Variants in TGFBR3 observed in about 807,000 individuals in gnomAD.
The protein encoded by TGFBR3 is transforming growth factor beta receptor 3.
A neutral mutation model predicts 87.9 loss-of-function variants in TGFBR3; 46 were observed. The ratio of observed to expected loss-of-function variants is 0.52; its 90% confidence interval spans 0.41 to 0.67. TGFBR3 has a LOEUF of 0.67. TGFBR3 is among the 30% of genes least tolerant of loss of function. The probability of loss-of-function intolerance (pLI) is 0.00; values close to 1 mark genes in which losing one functional copy is unlikely to be tolerated. For missense variants in TGFBR3, 866 were observed against 1,041.9 expected (o/e 0.83, Z 2.32); for synonymous variants, 381 against 391.6 (o/e 0.97, Z 0.32).
chr1:91,829,169 A>G (rs1183461265), intron 2 of TGFBR3, among the ~76,000 whole-genome samples: 1 of 152,068 alleles, frequency 6.6e-6, no homozygotes, highest in Admixed American at 6.6e-5. Context: ...TGAGGTCAGG[A>G]GTTCAAGACC....
intron 2 of TGFBR3, among the ~76,000 whole-genome samples, chr1:91,833,641 G>A (rs141591268): frequency 0.01 from 1,549 of 151,158 alleles, 34 homozygotes; most frequent in African/African-American, 0.034. Flanking sequence ...GGCTGGGTGC[G>A]GTGGCACACA....
chr1:91,683,776 G>A lies in TGFBR3; in HGVS notation c.2519C>T (p.Thr840Met), dbSNP rs193920827. 1.1e-4 allele frequency: 171 copies of A among 1,602,612 alleles called. 1 individual carries two copies. The highest frequency in any genetic ancestry group is 7.2e-4 in the South Asian group (64 of 89,142). The change falls in exon 17 of 17, where the codon ACG (threonine) becomes ATG (methionine). Residue 840 changes from threonine (T) to methionine (M), a missense_variant. Coordinates refer to ENST00000212355, the MANE Select transcript of TGFBR3 (RefSeq NM_003243.5). ...NSSAAHSIGS[T>M]QSTPCSSSST... ...GCTGCTGGAGCAAGGCGTGCTCTGC[G>A]TGCTGCCGATGCTGTGGGCAGCACT...
chr1:91,742,782 T>C (rs1356428413), intron 4 of TGFBR3, among the ~76,000 whole-genome samples: 1 of 152,150 alleles, frequency 6.6e-6, no homozygotes, highest in African/African-American at 2.4e-5. Flanking sequence ...CACCCTGGAC[T>C]CTCCTGAATG....
chr1:91,814,419 A>G (rs1181944654), intron 2 of TGFBR3, among the ~76,000 whole-genome samples: 6 of 152,196 alleles, frequency 3.9e-5, no homozygotes, highest in Admixed American at 3.9e-4. Flanking sequence ...AATGAATGGA[A>G]GTGTACTTTT....
intron 2 of TGFBR3, among the ~76,000 whole-genome samples, chr1:91,846,686 G>GA (rs1677514636): frequency 6.6e-6 from 1 of 151,358 alleles, no homozygotes; most frequent in African/African-American, 2.4e-5. Flanking sequence ...GGTTAGTTTA[G>GA]AAAAAAACAA....
chr1:91,755,171 C>A (rs377181126), intron 4 of TGFBR3: 1 of 152,122 alleles, frequency 6.6e-6, no homozygotes, highest in African/African-American at 2.4e-5. Flanking sequence ...GTTATCTTAT[C>A]CCCAAACTTT....
chr1:91,877,933 T>C (rs1276182029), intron 1 of TGFBR3, among the ~76,000 whole-genome samples: 2 of 152,220 alleles, frequency 1.3e-5, no homozygotes, highest in African/African-American at 4.8e-5. Flanking sequence ...GGCTAAAAGA[T>C]AGACCAGCAA....
At chr1:91,894,950 T>C (rs1321490575) in intron 2 of TGFBR3, among the ~76,000 whole-genome samples, 1 of 152,128 alleles carries the variant, frequency 6.6e-6, no homozygotes, top group South Asian at 2.1e-4. Flanking sequence ...TTTTGTTTTT[T>C]TAGTAGAGAA....
At chr1:91,804,539 C>T (rs556258664) in intron 2 of TGFBR3, among the ~76,000 whole-genome samples, 1 of 152,322 alleles carries the variant, frequency 6.6e-6, no homozygotes, top group Non-Finnish European at 1.5e-5. Context: ...ATGCCAGGGC[C>T]AGCTCCATTC....
intron 2 of TGFBR3, among the ~76,000 whole-genome samples, chr1:91,836,945 G>T (rs534319283): frequency 6.6e-6 from 1 of 152,100 alleles, no homozygotes; most frequent in Non-Finnish European, 1.5e-5. Context: ...AAGAATGCAG[G>T]ATCCTGTTTA....
intron 1 of TGFBR3, among the ~76,000 whole-genome samples, chr1:91,878,594 G>A (rs1271029416): frequency 6.6e-6 from 1 of 152,210 alleles, no homozygotes. Context: ...AAAAGGTAGT[G>A]AGTCATGCTT....
At chr1:91,726,314 C>T (rs1000849451) in intron 7 of TGFBR3, among the ~76,000 whole-genome samples, 1 of 152,186 alleles carries the variant, frequency 6.6e-6, no homozygotes, top group African/African-American at 2.4e-5. Flanking sequence ...GATTCCCTTT[C>T]CTGTTTTTGT....
intron 2 of TGFBR3, among the ~76,000 whole-genome samples, chr1:91,858,610 C>CAAAAAA (rs58608714): frequency 1.3e-5 from 1 of 78,300 alleles, no homozygotes; most frequent in Non-Finnish European, 2.3e-5. Context: ...GACTCTGTCT[C>CAAAAAA]AAAAAAAAAA....
intron 1 of TGFBR3, among the ~76,000 whole-genome samples, chr1:91,866,492 T>C (rs1253328150): frequency 2.0e-5 from 3 of 152,194 alleles, no homozygotes; most frequent in African/African-American, 7.2e-5. Context: ...GCCAGGGATA[T>C]AGCAATGAAA....
chr1:91,883,196 G>A (rs1679164868), intron 1 of TGFBR3, among the ~76,000 whole-genome samples: 2 of 152,024 alleles, frequency 1.3e-5, no homozygotes, highest in African/African-American at 2.4e-5. Context: ...AAAGAGATGG[G>A]GGTCTCACTA....
chr1:91,704,632 T>C (rs912304821), intron 14 of TGFBR3, among the ~76,000 whole-genome samples: 3 of 152,216 alleles, frequency 2.0e-5, no homozygotes, highest in Non-Finnish European at 4.4e-5. Context: ...ACAAAGTAAA[T>C]GCTCAACAAA....
chr1:91,755,095 C>G (rs71650465), intron 4 of TGFBR3: 2 of 152,150 alleles, frequency 1.3e-5, no homozygotes, highest in Non-Finnish European at 2.9e-5. Flanking sequence ...ACGGTGAAGC[C>G]TGAATTTCCA....
intron 3 of TGFBR3, among the ~76,000 whole-genome samples, chr1:91,779,173 T>C (rs1214820253): frequency 6.6e-6 from 1 of 152,216 alleles, no homozygotes; most frequent in South Asian, 2.1e-4. Flanking sequence ...ACTTCGTGAC[T>C]GGACGGAAGT....
chr1:91,854,046 G>A (rs1677844629), intron 2 of TGFBR3, among the ~76,000 whole-genome samples: 1 of 152,116 alleles, frequency 6.6e-6, no homozygotes, highest in African/African-American at 2.4e-5. Flanking sequence ...CATAGAAACA[G>A]TAAAATGGTG....
Sources: allele counts gnomAD v4.1 joint callset (sites outside exome capture counted in the v4.1 genomes callset), GRCh38; gene constraint gnomAD v4.1.1; transcripts MANE v1.5; gene names NCBI Gene and HGNC (gene_info 2026-07-23, HGNC 2026-07-21).